The following DERA variants were observed in gnomAD, a reference collection of about 807,000 sequenced individuals.
The protein encoded by DERA is 2-deoxy-D-ribose 5-phosphate aldolase.
In DERA, 15 loss-of-function variants were observed where a neutral mutation model predicts 41.1. The ratio of observed to expected loss-of-function variants is 0.37; its 90% confidence interval spans 0.24 to 0.56. The LOEUF (loss-of-function observed/expected upper bound fraction) is 0.56, where lower values mean the gene tolerates loss of function less well. Ranked by LOEUF, DERA falls within the 20% of genes least tolerant of loss-of-function variation. The pLI, the probability that DERA is intolerant of heterozygous loss-of-function variation, is 0.81. For missense variants in DERA, 396 were observed against 403.4 expected (o/e 0.98, Z 0.16); for synonymous variants, 139 against 137.4 (o/e 1.01, Z -0.08).
intron 6 of DERA, among the ~76,000 whole-genome samples, chr12:16,027,678 G>A (rs968660834): frequency 6.6e-6 from 1 of 152,144 alleles, no homozygotes; most frequent in African/African-American, 2.4e-5. Flanking sequence ...CTTTTATTTT[G>A]GATTTCTGGC....
chr12:15,977,704 T>G (rs1206598990), intron 5 of DERA, among the ~76,000 whole-genome samples: 4 of 152,294 alleles, frequency 2.6e-5, no homozygotes, highest in Non-Finnish European at 5.9e-5. Context: ...GTGATCCACC[T>G]GCCTTAGCCT....
chr12:15,993,975 G>A lies in DERA; in HGVS notation c.637+11539G>A, dbSNP rs529524623. Among the ~76,000 whole-genome samples the A allele has an allele frequency of 4.7e-4, 72 of 152,292 alleles. No homozygotes were observed. The highest frequency in any genetic ancestry group is 1.6e-3 in the African/African-American group (68 of 41,572). On this transcript the variant is annotated intron_variant, in intron 6 of 8. Coordinates refer to ENST00000428559, the MANE Select transcript of DERA (RefSeq NM_015954.4). This position sits in a 1 kb window ranked among gnomAD's most constrained non-coding sequence, Gnocchi z 4.4. ...TTTGTTTCTTCATGGTTGGGCTTCT[G>A]TGAAGAAAGAAAAAGAGAGAAAAGA...
intron 1 of DERA, among the ~76,000 whole-genome samples, chr12:15,937,009 A>G (rs953518765): frequency 4.7e-4 from 71 of 150,646 alleles, no homozygotes; most frequent in African/African-American, 1.6e-3. Flanking sequence ...ATCTTGCTCT[A>G]TTGCCCAAGC....
In DERA at chr12:15,982,313, TATG is replaced by T; in HGVS notation, c.519_521del (p.Asp173del). Reference sequence around the variant, plus strand: ...TCAATTATTTTCTTCCCCAGCCCTGTATGATGAGATTCGTCAGTTTCGCAAGGC... The same window carrying T: ...TCAATTATTTTCTTCCCCAGCCCTGTATGAGATTCGTCAGTTTCGCAAGGC... On this transcript the variant is annotated inframe_deletion, in exon 6 of 9. Transcript: ENST00000428559. The surrounding 1 kb of genome is among the most constrained non-coding windows in gnomAD (Gnocchi z 4.0). 4 of 1,612,694 alleles carry T rather than the reference TATG, an allele frequency of 2.5e-6. No individual in the cohort carries two copies. The South Asian group carries it at 4.4e-5, about 18-fold the overall frequency.
Position 15,911,643 on chromosome 12 carries a change from G to A in DERA, c.31+229G>A. ...GCTTTTACTCTTGTATGCGGAAGGA[G>A]TAGGAAAGGGTTAGATTATTATCTT... is the stretch of plus-strand genomic sequence containing the variant. On this transcript the variant is annotated intron_variant, in intron 1 of 8. Coordinates refer to ENST00000428559, the MANE Select transcript of DERA (RefSeq NM_015954.4). This position sits in a 1 kb window ranked among gnomAD's most constrained non-coding sequence, Gnocchi z 4.5. 1 of 695,490 alleles carries A rather than the reference G, an allele frequency of 1.4e-6. No homozygotes were observed. The highest frequency in any genetic ancestry group is 2.7e-5 in the East Asian group (1 of 36,884). The allele number at this position is 695,490 out of a possible 1,614,324, so 43.1% of individuals were successfully genotyped here.
intron 1 of DERA, among the ~76,000 whole-genome samples, chr12:15,927,584 C>T (rs1465663378): frequency 6.6e-6 from 1 of 152,072 alleles, no homozygotes; most frequent in African/African-American, 2.4e-5. Flanking sequence ...AAGTTGTTAA[C>T]ACCCCACATA....
Position 16,036,881 on chromosome 12 carries a change from C to G in DERA, c.*135C>G. The G allele has an allele frequency of 1.5e-6, 1 of 675,290 alleles. No individual in the cohort carries two copies. Among genetic ancestry groups the G allele is most frequent in the Non-Finnish European group, 2.5e-6 (1 of 392,962 alleles). 41.8% of individuals were successfully genotyped at this position (675,290 alleles called of 1,614,324 possible). A position where few individuals can be genotyped will look rare whatever the true frequency, so the allele number is the denominator to read the frequency against. Reference sequence around the variant, plus strand: ...TCCTCTCTTTAAAATTTCTACCGAACTTAATGGAATGGAAAAAGCAAACTC... The same window carrying G: ...TCCTCTCTTTAAAATTTCTACCGAAGTTAATGGAATGGAAAAAGCAAACTC... On this transcript the variant is annotated 3_prime_UTR_variant, in exon 9 of 9. Transcript: ENST00000428559. The surrounding 1 kb of genome is among the most constrained non-coding windows in gnomAD (Gnocchi z 4.9).
intron 1 of DERA, among the ~76,000 whole-genome samples, chr12:15,930,333 T>A (rs1417198174): frequency 6.6e-6 from 1 of 152,218 alleles, no homozygotes; most frequent in Non-Finnish European, 1.5e-5. Context: ...TCAATACCTT[T>A]ATGCTGATTT....
In DERA at chr12:15,966,374, G is replaced by A. The variant is rs576715593; in HGVS notation, c.508+3427G>A. ...AGCTACTCTGGAGGCTGAGGTGAGC[G>A]AATTGCTTGAACCTGGGAGGCAGAG... On this transcript the variant is annotated intron_variant, in intron 5 of 8. Coordinates refer to ENST00000428559, the MANE Select transcript of DERA (RefSeq NM_015954.4). This position sits in a 1 kb window ranked among gnomAD's most constrained non-coding sequence, Gnocchi z 5.1. Among the ~76,000 whole-genome samples the A allele has an allele frequency of 3.3e-5, 5 of 151,916 alleles. No individual in the cohort carries two copies. Among genetic ancestry groups the A allele is most frequent in the Middle Eastern group, 3.4e-3 (1 of 294 alleles).
At chr12:15,925,255 C>T (rs1220165373) in intron 1 of DERA, among the ~76,000 whole-genome samples, 1 of 152,102 alleles carries the variant, frequency 6.6e-6, no homozygotes, top group Non-Finnish European at 1.5e-5. Flanking sequence ...GGAAATTATC[C>T]CTAGCCTTGA....
At chr12:15,933,391 C>T (rs1195616809) in intron 1 of DERA, among the ~76,000 whole-genome samples, 1 of 152,166 alleles carries the variant, frequency 6.6e-6, no homozygotes, top group Non-Finnish European at 1.5e-5. Context: ...CACTGATCCT[C>T]TGATTTTGTT....
intron 1 of DERA, among the ~76,000 whole-genome samples, chr12:15,939,487 AATCT>A (rs1298187256): frequency 1.3e-5 from 2 of 152,336 alleles, no homozygotes; most frequent in Non-Finnish European, 2.9e-5. Context: ...TACTAGTTGA[AATCT>A]CATTATTTAA....
rs1232376501 is a variant in DERA at position 15,998,306 on chromosome 12, C to A, written c.637+15870C>A. ...CTTTCCTAATGTTAACACAGGAAGT[C>A]TTTCCTTTATTTATTTATTTATTTA... On this transcript the variant is annotated intron_variant, in intron 6 of 8. Coordinates refer to ENST00000428559, the MANE Select transcript of DERA (RefSeq NM_015954.4). This position sits in a 1 kb window ranked among gnomAD's most constrained non-coding sequence, Gnocchi z 4.8. Among the ~76,000 whole-genome samples, 2 of 150,062 alleles carry A rather than the reference C, an allele frequency of 1.3e-5. No individual in the cohort carries two copies. Among genetic ancestry groups the A allele is most frequent in the African/African-American group, 5.1e-5 (2 of 39,480 alleles).
rs909900442 is a variant in DERA, at chr12:15,984,316, G to A, written c.637+1880G>A. ...TACAAATGTGGTATTAGGTCATCACGCTTTGGAAGCTGTGTCCCACCCTCC... is the reference window on the plus strand; with the variant it reads ...TACAAATGTGGTATTAGGTCATCACACTTTGGAAGCTGTGTCCCACCCTCC... On this transcript the variant is annotated intron_variant, in intron 6 of 8. Coordinates refer to ENST00000428559, the MANE Select transcript of DERA (RefSeq NM_015954.4). The surrounding 1 kb of genome is among the most constrained non-coding windows in gnomAD (Gnocchi z 4.5). 5.9e-5 allele frequency among the ~76,000 whole-genome samples: 9 copies of A among 152,072 alleles called. No individual in the cohort carries two copies. The highest frequency in any genetic ancestry group is 2.1e-4 in the South Asian group (1 of 4,812).
In DERA at chr12:16,013,365, G is replaced by A. The variant is rs117514023; in HGVS notation, c.638-19177G>A. Among the ~76,000 whole-genome samples, 1,158 of 152,312 alleles carry A rather than the reference G, an allele frequency of 7.6e-3. 12 individuals carry two copies. Among genetic ancestry groups the A allele is most frequent in the Middle Eastern group, 0.031 (9 of 294 alleles). ...GACCAGGTGGAGGTAATTGAATCAT[G>A]AGGGCAGTTTCCCCCATGTTGTTCT... On this transcript the variant is annotated intron_variant, in intron 6 of 8. Coordinates refer to ENST00000428559, the MANE Select transcript of DERA (RefSeq NM_015954.4). This position sits in a 1 kb window ranked among gnomAD's most constrained non-coding sequence, Gnocchi z 5.8.
rs1021089369 is a variant in DERA at position 15,957,784 on chromosome 12, A to G, written c.130-404A>G. Among the ~76,000 whole-genome samples the G allele has an allele frequency of 1.3e-5, 2 of 152,218 alleles. No individual in the cohort carries two copies. Among genetic ancestry groups the G allele is most frequent in the African/African-American group, 2.4e-5 (1 of 41,458 alleles). On this transcript the variant is annotated intron_variant, in intron 2 of 8. Coordinates refer to ENST00000428559, the MANE Select transcript of DERA (RefSeq NM_015954.4). This position sits in a 1 kb window ranked among gnomAD's most constrained non-coding sequence, Gnocchi z 4.8. ...AAACTTGGAAACTTTTAAAAATGATAATCTCATCCCAGATCCCAGAGCGGG... is the reference window on the plus strand; with the variant it reads ...AAACTTGGAAACTTTTAAAAATGATGATCTCATCCCAGATCCCAGAGCGGG...
rs532807017 is a variant in DERA at position 16,011,669 on chromosome 12, C to T, written c.638-20873C>T. Among the ~76,000 whole-genome samples, 1 of 152,224 alleles carries T rather than the reference C, an allele frequency of 6.6e-6. No individual in the cohort carries two copies. Among genetic ancestry groups the T allele is most frequent in the East Asian group, 1.9e-4 (1 of 5,184 alleles). ...AATGAAAGGCATTTGCCTAACATAGCAAATCCCTTCATCAATAAGGTCAGC... is the reference window on the plus strand; with the variant it reads ...AATGAAAGGCATTTGCCTAACATAGTAAATCCCTTCATCAATAAGGTCAGC... On this transcript the variant is annotated intron_variant, in intron 6 of 8. Coordinates refer to ENST00000428559, the MANE Select transcript of DERA (RefSeq NM_015954.4). The surrounding 1 kb of genome is among the most constrained non-coding windows in gnomAD (Gnocchi z 4.7).
rs1021253996 is a variant in DERA, at chr12:16,000,735, A to G, written c.637+18299A>G. Among the ~76,000 whole-genome samples the G allele has an allele frequency of 6.6e-6, 1 of 152,242 alleles. No homozygotes were observed. The highest frequency in any genetic ancestry group is 1.5e-5 in the Non-Finnish European group (1 of 68,046). ...TTAGCTGCTATCACACTGGCTTGAT[A>G]TTAACATTCTAGTGAATAATTAAAA... On this transcript the variant is annotated intron_variant, in intron 6 of 8. Coordinates refer to ENST00000428559, the MANE Select transcript of DERA (RefSeq NM_015954.4). This position sits in a 1 kb window ranked among gnomAD's most constrained non-coding sequence, Gnocchi z 4.8.
intron 1 of DERA, among the ~76,000 whole-genome samples, chr12:15,914,456 T>G (rs1948186010): frequency 6.6e-6 from 1 of 152,024 alleles, no homozygotes; most frequent in Admixed American, 6.6e-5. Context: ...AGCTGCTTCT[T>G]ACTTGGGGGA....
Sources: gnomAD v4.1 joint callset for allele counts (sites outside exome capture counted in the v4.1 genomes callset) on GRCh38, gnomAD v4.1.1 for gene constraint, Gnocchi (gnomAD v3.1) non-coding constraint, MANE v1.5 for transcripts, NCBI Gene and HGNC (gene_info 2026-07-23, HGNC 2026-07-21) for gene names.